Variants in ADCK2 observed in about 807,000 individuals in gnomAD.
The protein encoded by ADCK2 is aarF domain containing kinase 2.
A neutral mutation model predicts 52.3 loss-of-function variants in ADCK2; 37 were observed. That is an observed-to-expected ratio of 0.71 (90% CI 0.54 to 0.93). The LOEUF (loss-of-function observed/expected upper bound fraction) is 0.93. Among genes scored for constraint, ADCK2 ranks in the 40% least tolerant of loss-of-function variants. ADCK2 has a pLI of 0.00. For missense variants in ADCK2, 695 were observed against 798.7 expected (o/e 0.87, Z 1.56); for synonymous variants, 321 against 349.2 (o/e 0.92, Z 0.90).
chr7:140,684,301 C>T (rs1262089223), intron 4 of ADCK2, among the ~76,000 whole-genome samples: 1 of 152,128 alleles, frequency 6.6e-6, no homozygotes, highest in Admixed American at 6.5e-5. Context: ...CTCATAGGGT[C>T]ACCATGATGG....
chr7:140,673,810 G>T lies in ADCK2; in HGVS notation c.480G>T (p.Ser160=). 6 of 1,613,408 alleles carry T rather than the reference G, an allele frequency of 3.7e-6. No homozygotes were observed. The highest frequency in any genetic ancestry group is 5.1e-6 in the Non-Finnish European group (6 of 1,179,970). ...QWASTRRDLF[S]EAFCAQFSKL... ...CCAGCACCCGGCGCGATCTGTTTTC[G>T]GAGGCTTTCTGTGCCCAATTTTCCA... The change falls in exon 1 of 8, where the codon TCG becomes TCT. Residue 160 remains serine (S), a synonymous_variant. Coordinates refer to ENST00000072869, the MANE Select transcript of ADCK2 (RefSeq NM_052853.4). This position sits in a 1 kb window ranked among gnomAD's most constrained non-coding sequence, Gnocchi z 6.4.
At chr7:140,681,905 A>ACCAC (rs1283400883) in intron 4 of ADCK2, among the ~76,000 whole-genome samples, 1 of 152,152 alleles carries the variant, frequency 6.6e-6, no homozygotes, top group East Asian at 1.9e-4. Context: ...ACAGGCATGA[A>ACCAC]CCACCATGCC....
Position 140,674,743 on chromosome 7 carries a change from C to T in ADCK2, c.1066C>T (p.Leu356=). ...LPEIVEEFEK[L]MVQQIDLRYE... is the part of the protein sequence containing the mutation. ...TGAGATTGTGGAGGAATTTGAGAAGCTGATGGTCCAACAGGTGAGTTCTCC... is the reference window on the plus strand; with the variant it reads ...TGAGATTGTGGAGGAATTTGAGAAGTTGATGGTCCAACAGGTGAGTTCTCC... Residue 356 remains leucine (L), a synonymous_variant, in exon 2 of 8, where the codon CTG becomes TTG. Coordinates refer to ENST00000072869, the MANE Select transcript of ADCK2 (RefSeq NM_052853.4). The surrounding 1 kb of genome is among the most constrained non-coding windows in gnomAD (Gnocchi z 4.6). 6.2e-7 allele frequency: 1 copy of T among 1,614,028 alleles called. No individual in the cohort carries two copies. The highest frequency in any genetic ancestry group is 8.5e-7 in the Non-Finnish European group (1 of 1,179,938).
rs2130796232 is a variant in ADCK2, at chr7:140,694,959, A to G, written c.*156A>G. On this transcript the variant is annotated 3_prime_UTR_variant, in exon 8 of 8. Transcript: ENST00000072869. ...ACCATGGCTTCCTCTGCTTGGTTTGAGGGTCTGTTCAAAAGCTTTGGGCCA... is the reference window on the plus strand; with the variant it reads ...ACCATGGCTTCCTCTGCTTGGTTTGGGGGTCTGTTCAAAAGCTTTGGGCCA... The G allele has an allele frequency of 2.1e-6, 3 of 1,403,832 alleles. No homozygotes were observed. Among genetic ancestry groups the G allele is most frequent in the Middle Eastern group, 2.6e-4 (1 of 3,794 alleles). The allele number at this position is 1,403,832 out of a possible 1,614,324, so 87.0% of individuals were successfully genotyped here. A position where few individuals can be genotyped will look rare whatever the true frequency, so the allele number is the denominator to read the frequency against.
intron 6 of ADCK2, 108 bp from the exon 7 acceptor site, chr7:140,690,652 G>A: frequency 1.0e-6 from 1 of 969,722 alleles, no homozygotes; most frequent in Non-Finnish European, 1.6e-6. Context: ...TGTGTGCCCT[G>A]GCGGGGGAGT....
intron 4 of ADCK2, among the ~76,000 whole-genome samples, chr7:140,686,544 G>T (rs1196515935): frequency 1.3e-5 from 2 of 152,182 alleles, no homozygotes; most frequent in East Asian, 3.9e-4. Context: ...GCCTCCCAAA[G>T]TGTTGGATTA....
intron 2 of ADCK2, among the ~76,000 whole-genome samples, chr7:140,675,280 G>C (rs1794380592): frequency 6.6e-6 from 1 of 152,176 alleles, no homozygotes; most frequent in African/African-American, 2.4e-5. Flanking sequence ...CTATGCAGGT[G>C]AACTGAGGCA....
In ADCK2 at chr7:140,689,743, G is replaced by A. The variant is rs369074760; in HGVS notation, c.1686+18G>A. Reference sequence around the variant, plus strand: ...TGGAGAAGGTGGGCAGGTCACTTGCGGAACAGGGGCTGGGGAGTCCATACC... The same window carrying A: ...TGGAGAAGGTGGGCAGGTCACTTGCAGAACAGGGGCTGGGGAGTCCATACC... On this transcript the variant is annotated intron_variant, in intron 6 of 7. Coordinates refer to ENST00000072869, the MANE Select transcript of ADCK2 (RefSeq NM_052853.4). 53 of 1,603,760 alleles carry A rather than the reference G, an allele frequency of 3.3e-5. No homozygotes were observed. Among genetic ancestry groups the A allele is most frequent in the Middle Eastern group, 1.7e-4 (1 of 5,884 alleles).
intron 4 of ADCK2, among the ~76,000 whole-genome samples, chr7:140,682,218 C>CG (rs1419519122): frequency 6.6e-6 from 1 of 152,086 alleles, no homozygotes; most frequent in Non-Finnish European, 1.5e-5. Flanking sequence ...GGGATAGGTA[C>CG]GGGGTACCAA....
Position 140,673,051 on chromosome 7 carries a change from G to A in ADCK2, c.-280G>A, listed in dbSNP as rs1585838638. On this transcript the variant is annotated 5_prime_UTR_variant, in exon 1 of 8. Coordinates refer to ENST00000072869, the MANE Select transcript of ADCK2 (RefSeq NM_052853.4). The surrounding 1 kb of genome is among the most constrained non-coding windows in gnomAD (Gnocchi z 6.4). ...CCCTCGCTCAGGTCGCGGGCGCCCG[G>A]GGCCTGGCTTCGCGTGGGTCCTGGC... is the stretch of plus-strand genomic sequence containing the variant. 1 of 202,038 alleles carries A rather than the reference G, an allele frequency of 4.9e-6. No individual in the cohort carries two copies. Among genetic ancestry groups the A allele is most frequent in the Non-Finnish European group, 9.8e-6 (1 of 102,274 alleles). 12.5% of individuals were successfully genotyped at this position (202,038 alleles called of 1,614,324 possible). A position where few individuals can be genotyped will look rare whatever the true frequency, so the allele number is the denominator to read the frequency against.
Position 140,679,263 on chromosome 7 carries a change from G to A in ADCK2, c.1189G>A (p.Val397Ile). ...TPLRPFVTREVLVETYEESVP... is the reference protein window; with the variant it reads ...TPLRPFVTREILVETYEESVP... ...TCTGCGCCCCTTTGTCACCAGAGAAGTCTTGGTGGAAACGTATGAAGTAAG... is the reference window on the plus strand; with the variant it reads ...TCTGCGCCCCTTTGTCACCAGAGAAATCTTGGTGGAAACGTATGAAGTAAG... The change falls in exon 3 of 8, where the codon GTC becomes ATC. Residue 397 changes from valine (V) to isoleucine (I), a missense_variant. Val to Ile is a conservative substitution (Grantham distance 29). Coordinates refer to ENST00000072869, the MANE Select transcript of ADCK2 (RefSeq NM_052853.4). 6.2e-7 allele frequency: 1 copy of A among 1,614,016 alleles called. No individual in the cohort carries two copies.
chr7:140,682,826 CAAAA>C (rs397889908), intron 4 of ADCK2, among the ~76,000 whole-genome samples: 3 of 65,174 alleles, frequency 4.6e-5, no homozygotes, highest in Admixed American at 4.0e-4. Context: ...CCTGTCACTA[CAAAA>C]AAAAAAAAAA....
intron 2 of ADCK2, among the ~76,000 whole-genome samples, chr7:140,677,123 CAG>C (rs1444317628): frequency 6.6e-6 from 1 of 152,096 alleles, no homozygotes; most frequent in Non-Finnish European, 1.5e-5. Context: ...GAAAGACAGT[CAG>C]GGCCAGGTGC....
In ADCK2 at chr7:140,679,176, C is replaced by CG. The variant is rs754831739; in HGVS notation, c.1102_1103insG (p.Gln368ArgfsTer36). On this transcript the variant is annotated frameshift_variant, in exon 3 of 8. Transcript: ENST00000072869. LOFTEE classifies it high-confidence loss of function. ...GTAGATTGACCTGCGTTACGAAGCT[C>CG]AGAATCTAGAACACTTCCAGGTCAA... 16 of 1,613,984 alleles carry CG rather than the reference C, an allele frequency of 9.9e-6. No individual in the cohort carries two copies. The highest frequency in any genetic ancestry group is 1.3e-5 in the Non-Finnish European group (15 of 1,180,018).
intron 4 of ADCK2, among the ~76,000 whole-genome samples, chr7:140,682,086 C>T (rs900235479): frequency 6.6e-6 from 1 of 152,170 alleles, no homozygotes; most frequent in African/African-American, 2.4e-5. Flanking sequence ...TGAGCACCTG[C>T]TAGGTGCCAG....
At position 140,673,716 on chromosome 7, in the gene ADCK2, T is replaced by A. The variant is rs1801678173; in HGVS notation, c.386T>A (p.Leu129His). Residue 129 changes from leucine (L) to histidine (H), a missense_variant, in exon 1 of 8, where the codon CTC becomes CAC. By Grantham distance (99) the Leu-to-His change is moderately conservative (BLOSUM62 -3). Coordinates refer to ENST00000072869, the MANE Select transcript of ADCK2 (RefSeq NM_052853.4). This position sits in a 1 kb window ranked among gnomAD's most constrained non-coding sequence, Gnocchi z 6.4. ...TACCTGGCTCCCAGCGTCTCCACCC[T>A]CTGGCTCCACCTGCTTCTGAAAGCC... ...LTYLAPSVST[L>H]WLHLLLKATE... 1 of 1,611,830 alleles carries A rather than the reference T, an allele frequency of 6.2e-7. No individual in the cohort carries two copies. The highest frequency in any genetic ancestry group is 8.5e-7 in the Non-Finnish European group (1 of 1,179,702).
chr7:140,682,619 T>C (rs1362269919), intron 4 of ADCK2, among the ~76,000 whole-genome samples: 1 of 152,046 alleles, frequency 6.6e-6, no homozygotes, highest in East Asian at 1.9e-4. Flanking sequence ...TCCAATAATA[T>C]TTAAATATAA....
At chr7:140,679,311 A>G in intron 3 of ADCK2, 28 bp downstream of exon 3, 1 of 1,611,866 alleles carries the variant, frequency 6.2e-7, no homozygotes, top group Non-Finnish European at 8.5e-7. Context: ...GCCTGGCCAT[A>G]CCTTTCACTT....
intron 2 of ADCK2, among the ~76,000 whole-genome samples, chr7:140,675,722 G>C (rs1257432411): frequency 6.6e-6 from 1 of 152,186 alleles, no homozygotes; most frequent in Admixed American, 6.5e-5. Context: ...AGAACATCTA[G>C]CATTATTTCT....
Sources: gnomAD v4.1 joint callset for allele counts (sites outside exome capture counted in the v4.1 genomes callset) on GRCh38, gnomAD v4.1.1 for gene constraint, Gnocchi (gnomAD v3.1) non-coding constraint, MANE v1.5 for transcripts, NCBI Gene and HGNC (gene_info 2026-07-23, HGNC 2026-07-21) for gene names.